Variants in MAPK8 observed in about 807,000 individuals in gnomAD.
MAPK8 encodes mitogen-activated protein kinase 8.
In MAPK8, 13 loss-of-function variants were observed where a neutral mutation model predicts 52.9. That is an observed-to-expected ratio of 0.25 (90% CI 0.16 to 0.39). The LOEUF (loss-of-function observed/expected upper bound fraction) is 0.39. MAPK8 is among the 10% of genes least tolerant of loss of function. The pLI, the probability that MAPK8 is intolerant of heterozygous loss-of-function variation, is 1.00. For synonymous variants in MAPK8, 191 were observed against 169.8 expected (o/e 1.12, Z -0.97); for missense variants, 300 against 519.2 (o/e 0.58, Z 4.10).
At chr10:48,309,382 G>A (rs186371688) in intron 1 of MAPK8, among the ~76,000 whole-genome samples, 149 of 152,128 alleles carry the variant, frequency 9.8e-4, no homozygotes, top group African/African-American at 3.4e-3. Flanking sequence ...ATATAGCATC[G>A]ATTCTGTTAG....
chr10:48,355,278 G>A (rs1348181966), intron 1 of MAPK8, among the ~76,000 whole-genome samples: 1 of 152,186 alleles, frequency 6.6e-6, no homozygotes, highest in East Asian at 1.9e-4. Flanking sequence ...GGGAGGCCGA[G>A]GTGGGCGGAT....
chr10:48,350,229 A>G (rs1352390136), intron 1 of MAPK8, among the ~76,000 whole-genome samples: 1 of 152,202 alleles, frequency 6.6e-6, no homozygotes, highest in East Asian at 1.9e-4. Flanking sequence ...AACTACTCCA[A>G]ACAATAGAAA....
chr10:48,412,330 T>C (rs745323564), intron 5 of MAPK8, among the ~76,000 whole-genome samples: 29 of 152,124 alleles, frequency 1.9e-4, no homozygotes, highest in Admixed American at 2.6e-4. Flanking sequence ...TGCAGATCTC[T>C]TTATGTTTAT....
intron 1 of MAPK8, among the ~76,000 whole-genome samples, chr10:48,385,743 A>C (rs2041274558): frequency 6.6e-6 from 1 of 151,984 alleles, no homozygotes; most frequent in Non-Finnish European, 1.5e-5. Context: ...TAAACTTTTT[A>C]CTTGTCTTGC....
In MAPK8 at chr10:48,368,577, T is replaced by C. The variant is rs139983887; in HGVS notation, c.-49-33035T>C. Among the ~76,000 whole-genome samples the C allele has an allele frequency of 9.2e-5, 14 of 152,346 alleles. No individual in the cohort carries two copies. In the East Asian group the frequency reaches 2.5e-3, roughly 27 times the overall value. On this transcript the variant is annotated intron_variant, in intron 1 of 11. Coordinates refer to ENST00000374189, the MANE Select transcript of MAPK8 (RefSeq NM_001323329.2). ...TGAAGTTCCTGGAATCCCCTAGTTCTTGGTCCACAACCCTAATGAAGCCTT... is the reference window on the plus strand; with the variant it reads ...TGAAGTTCCTGGAATCCCCTAGTTCCTGGTCCACAACCCTAATGAAGCCTT...
intron 6 of MAPK8, 114 bp downstream of exon 6, chr10:48,420,434 G>A: frequency 7.0e-6 from 7 of 995,258 alleles, no homozygotes; most frequent in Non-Finnish European, 8.4e-6. Context: ...GTGTATCATT[G>A]TTTGAAATGT....
At position 48,437,071 on chromosome 10, in the gene MAPK8, TTAAG is replaced by T. The variant is rs1463740856; in HGVS notation, c.*2047_*2050del. On this transcript the variant is annotated 3_prime_UTR_variant, in exon 12 of 12. Coordinates refer to ENST00000374189, the MANE Select transcript of MAPK8 (RefSeq NM_001323329.2). ...CCATCTCTATTGATACAGATTTTGG[TTAAG>T]TAAGGAAAACCAGGTGTGTGTCTGT... The T allele has an allele frequency of 4.6e-5, 7 of 152,228 alleles. No homozygotes were observed. The highest frequency in any genetic ancestry group is 2.0e-4 in the Admixed American group (3 of 15,278). The allele number at this position is 152,228 out of a possible 1,614,324, so 9.4% of individuals were successfully genotyped here. A position where few individuals can be genotyped will look rare whatever the true frequency, so the allele number is the denominator to read the frequency against.
Position 48,337,462 on chromosome 10 carries a change from TAA to T in MAPK8, c.-50+30642_-50+30643del, listed in dbSNP as rs747016603. On this transcript the variant is annotated intron_variant, in intron 1 of 11. Transcript: ENST00000374189. ...CCTCTAGGATATAGCAAAATAGAGT[TAA>T]GAGGAAAATTTTAGTGCTAAATTCC... Among the ~76,000 whole-genome samples, 119 of 152,166 alleles carry T rather than the reference TAA, an allele frequency of 7.8e-4. 1 individual carries two copies. The highest frequency in any genetic ancestry group is 3.4e-3 in the Middle Eastern group (1 of 294).
intron 10 of MAPK8, among the ~76,000 whole-genome samples, chr10:48,427,983 C>T (rs943701838): frequency 1.3e-5 from 2 of 152,102 alleles, no homozygotes; most frequent in East Asian, 3.9e-4. Context: ...CATATGAGAA[C>T]ATGCCTGGAA....
intron 1 of MAPK8, among the ~76,000 whole-genome samples, chr10:48,358,413 G>A (rs1416902194): frequency 6.6e-6 from 1 of 152,174 alleles, no homozygotes; most frequent in East Asian, 1.9e-4. Context: ...GCCTCATGGG[G>A]TAATGATGTT....
rs577110718 is a variant in MAPK8, at chr10:48,393,231, C to A, written c.-49-8381C>A. Among the ~76,000 whole-genome samples, 6 of 152,104 alleles carry A rather than the reference C, an allele frequency of 3.9e-5. No homozygotes were observed. The South Asian group carries it at 1.0e-3, about 26-fold the overall frequency. ...TCACCGAGACTACTCATCTGGGATCCAGTTCTATATCTAGATACCAAATTG... is the reference window on the plus strand; with the variant it reads ...TCACCGAGACTACTCATCTGGGATCAAGTTCTATATCTAGATACCAAATTG... On this transcript the variant is annotated intron_variant, in intron 1 of 11. Transcript: ENST00000374189.
At chr10:48,426,909 T>G in intron 9 of MAPK8, 171 bp from the exon 10 acceptor site, 1 of 542,194 alleles carries the variant, frequency 1.8e-6, no homozygotes. Context: ...TTTCCTGCAA[T>G]GAAGGAGTCT....
Position 48,389,361 on chromosome 10 carries a change from C to T in MAPK8, c.-49-12251C>T, listed in dbSNP as rs145021237. On this transcript the variant is annotated intron_variant, in intron 1 of 11. Transcript: ENST00000374189. ...TCGTTAGAGCTAACCTCATAGTGCT[C>T]ACTATGAGCACTCACCTTAAAGGTT... 1.8e-4 allele frequency among the ~76,000 whole-genome samples: 27 copies of T among 152,216 alleles called. No homozygotes were observed. In the East Asian group the frequency reaches 5.0e-3, roughly 28 times the overall value.
chr10:48,412,687 G>T (rs769802478), intron 5 of MAPK8, among the ~76,000 whole-genome samples: 4 of 152,170 alleles, frequency 2.6e-5, no homozygotes, highest in Non-Finnish European at 5.9e-5. Context: ...AAATGTGGCT[G>T]CTTTCTTCAA....
At chr10:48,351,531 T>G (rs937760270) in intron 1 of MAPK8, among the ~76,000 whole-genome samples, 8 of 151,274 alleles carry the variant, frequency 5.3e-5, no homozygotes, top group Non-Finnish European at 1.0e-4. Context: ...TTTAAAGGAG[T>G]CATCAAGACA....
chr10:48,308,197 C>T (rs1841596083), intron 1 of MAPK8: 1 of 152,176 alleles, frequency 6.6e-6, no homozygotes, highest in Non-Finnish European at 1.5e-5. Flanking sequence ...ATGTTTAGTG[C>T]TGTGCCTGAC....
chr10:48,396,980 C>T (rs1589178258), intron 1 of MAPK8, among the ~76,000 whole-genome samples: 1 of 152,058 alleles, frequency 6.6e-6, no homozygotes, highest in Admixed American at 6.5e-5. Flanking sequence ...ATAGAAGTTA[C>T]AAAATATTAC....
At chr10:48,425,635 G>T in intron 7 of MAPK8, 1 of 355,404 alleles carries the variant, frequency 2.8e-6, no homozygotes, top group East Asian at 4.4e-5. Context: ...TAGAATTTGT[G>T]AGTTTAAGCT....
intron 1 of MAPK8, among the ~76,000 whole-genome samples, chr10:48,348,581 G>T (rs910174216): frequency 1.3e-5 from 2 of 152,106 alleles, no homozygotes; most frequent in African/African-American, 4.8e-5. Flanking sequence ...TAAGGAAGGG[G>T]TCCAGTTTCA....
Sources: allele counts gnomAD v4.1 joint callset (sites outside exome capture counted in the v4.1 genomes callset), GRCh38; gene constraint gnomAD v4.1.1; transcripts MANE v1.5; gene names NCBI Gene and HGNC (gene_info 2026-07-23, HGNC 2026-07-21).